Variants in ACTR3C observed in about 807,000 individuals in gnomAD.
ACTR3C encodes actin-related protein 3C.
A neutral mutation model predicts 26.3 loss-of-function variants in ACTR3C; 18 were observed. The ratio of observed to expected loss-of-function variants is 0.68; its 90% CI spans 0.47 to 1.01. ACTR3C has a LOEUF of 1.01. ACTR3C is among the 50% of genes least tolerant of loss of function. The probability of loss-of-function intolerance (pLI) is 0.00; values close to 1 mark genes in which losing one functional copy is unlikely to be tolerated. For missense variants in ACTR3C, 184 were observed against 250.7 expected (o/e 0.73, Z 1.80); for synonymous variants, 55 against 94.5 (o/e 0.58, Z 2.42).
At chr7:150,221,067 A>T in the ACTR3C span, among the ~76,000 whole-genome samples, 2 of 152,266 alleles carry the variant, frequency 1.3e-5, no homozygotes, top group Non-Finnish European at 2.9e-5. Flanking sequence ...CTGGGACGGC[A>T]CCCGGGCTCG....
At chr7:149,908,153 G>A in the ACTR3C span, among the ~76,000 whole-genome samples, 29 of 152,160 alleles carry the variant, frequency 1.9e-4, no homozygotes, top group Non-Finnish European at 3.1e-4. Flanking sequence ...GGAGGACACA[G>A]AGAGAAGGCA....
chr7:150,002,199 C>T, the ACTR3C span: 1 of 152,250 alleles, frequency 6.6e-6, no homozygotes. Flanking sequence ...CTCCTTCCCT[C>T]AGAGAAGGTA....
At chr7:150,221,895 G>A in the ACTR3C span, among the ~76,000 whole-genome samples, 885 of 151,522 alleles carry the variant, frequency 5.8e-3, 9 homozygotes, top group African/African-American at 0.02. Context: ...CTACTCGGGA[G>A]GCTGAGGCGA....
At chr7:150,203,397 T>C in the ACTR3C span, among the ~76,000 whole-genome samples, 33,615 of 152,056 alleles carry the variant, frequency 0.22, 5,798 homozygotes, top group African/African-American at 0.48. Flanking sequence ...TTAGGTAAAA[T>C]AAAGTATCAA....
chr7:150,053,787 G>A, the ACTR3C span, among the ~76,000 whole-genome samples: 11 of 152,210 alleles, frequency 7.2e-5, no homozygotes, highest in African/African-American at 2.7e-4. Context: ...TACAGAAAGT[G>A]GAAAACTTGA....
chr7:150,021,300 T>C, the ACTR3C span, among the ~76,000 whole-genome samples: 1 of 151,952 alleles, frequency 6.6e-6, no homozygotes, highest in African/African-American at 2.4e-5. Context: ...ATTTAGCCTA[T>C]ATATTGAAAC....
chr7:150,265,519 C>T (rs951551272), intron 6 of ACTR3C, among the ~76,000 whole-genome samples: 1 of 151,934 alleles, frequency 6.6e-6, no homozygotes, highest in Admixed American at 6.6e-5. Flanking sequence ...CATGGTGAAA[C>T]CCCATCTCTA....
chr7:150,129,914 GACCTGATTTT>G, the ACTR3C span, among the ~76,000 whole-genome samples: 3 of 152,106 alleles, frequency 2.0e-5, no homozygotes, highest in Non-Finnish European at 2.9e-5. Context: ...AGACTTAAAC[GACCTGATTTT>G]AAGTCTTTTT....
the ACTR3C span, among the ~76,000 whole-genome samples, chr7:150,048,702 T>C: frequency 2.0e-5 from 3 of 151,994 alleles, no homozygotes; most frequent in Non-Finnish European, 4.4e-5. Context: ...TCTTCTTGCC[T>C]AACTTGAAGC....
the ACTR3C span, among the ~76,000 whole-genome samples, chr7:150,138,424 C>T: frequency 6.6e-6 from 1 of 152,282 alleles, no homozygotes; most frequent in Admixed American, 6.5e-5. Context: ...TAAAATAGGC[C>T]ATTGGAGCAC....
the ACTR3C span, among the ~76,000 whole-genome samples, chr7:149,956,823 C>T: frequency 4.6e-5 from 7 of 152,290 alleles, no homozygotes; most frequent in East Asian, 1.3e-3. Flanking sequence ...GACCAGTGAG[C>T]AGCTACCCCC....
At chr7:150,155,483 G>T in the ACTR3C span, among the ~76,000 whole-genome samples, 2 of 152,188 alleles carry the variant, frequency 1.3e-5, no homozygotes, top group Non-Finnish European at 2.9e-5. Flanking sequence ...GGCACATAAG[G>T]CCTCAAAATG....
the ACTR3C span, among the ~76,000 whole-genome samples, chr7:149,904,530 C>T: frequency 8.9e-5 from 9 of 101,374 alleles, 1 homozygote; most frequent in Non-Finnish European, 9.8e-5. Context: ...GACTCCATCT[C>T]AAAAAACAAC....
At chr7:150,315,312 AGG>A in intron 1 of ACTR3C, among the ~76,000 whole-genome samples, 1 of 152,108 alleles carries the variant, frequency 6.6e-6, no homozygotes, top group Non-Finnish European at 1.5e-5. Flanking sequence ...AACATGATTA[AGG>A]TGGAAACAGC....
chr7:150,154,359 G>C, the ACTR3C span, among the ~76,000 whole-genome samples: 1 of 151,812 alleles, frequency 6.6e-6, no homozygotes, highest in Non-Finnish European at 1.5e-5. Context: ...ATAAATCTTT[G>C]TTTTGGTCTC....
the ACTR3C span, among the ~76,000 whole-genome samples, chr7:150,168,648 T>C: frequency 1.3e-5 from 2 of 150,754 alleles, 1 homozygote; most frequent in African/African-American, 5.0e-5. Flanking sequence ...AACCAGTCCC[T>C]GGTGCCAAAA....
chr7:150,112,277 G>A, the ACTR3C span, among the ~76,000 whole-genome samples: 7 of 152,216 alleles, frequency 4.6e-5, no homozygotes, highest in African/African-American at 1.7e-4. Flanking sequence ...AAAAAAGGGT[G>A]GATGAGGCCA....
At chr7:150,203,867 C>T in the ACTR3C span, among the ~76,000 whole-genome samples, 3 of 152,166 alleles carry the variant, frequency 2.0e-5, no homozygotes, top group South Asian at 2.1e-4. Context: ...ACACCACACC[C>T]GGCCCGGGCA....
At chr7:150,079,669 C>G in the ACTR3C span, among the ~76,000 whole-genome samples, 1 of 152,280 alleles carries the variant, frequency 6.6e-6, no homozygotes, top group South Asian at 2.1e-4. Context: ...CCACAGCTTC[C>G]TGGGGAGAGG....
Sources: gnomAD v4.1 joint callset for allele counts (sites outside exome capture counted in the v4.1 genomes callset) on GRCh38, gnomAD v4.1.1 for gene constraint, MANE v1.5 for transcripts, NCBI Gene and HGNC (gene_info 2026-07-23, HGNC 2026-07-21) for gene names.